Variants in FSIP1 observed in about 807,000 individuals in gnomAD.
FSIP1 encodes the protein fibrous sheath-interacting protein 1.
A neutral mutation model predicts 60.9 loss-of-function variants in FSIP1; 65 were observed. The ratio of observed to expected loss-of-function variants is 1.07; its 90% CI spans 0.87 to 1.31. The LOEUF (loss-of-function observed/expected upper bound fraction) is 1.31, where lower values mean the gene tolerates loss of function less well. FSIP1 is among the 40% of genes most tolerant of loss of function. The pLI is 0.00. For missense variants in FSIP1, 675 were observed against 665.5 expected (o/e 1.01, Z -0.16); for synonymous variants, 209 against 221.2 (o/e 0.94, Z 0.49).
intron 2 of FSIP1, 118 bp from the exon 3 acceptor site, chr15:39,770,728 C>T (rs1456096112): frequency 1.8e-6 from 1 of 566,508 alleles, no homozygotes. Context: ...TAAATGCATA[C>T]ACTAGCATTA....
intron 10 of FSIP1, among the ~76,000 whole-genome samples, chr15:39,622,257 A>G (rs1258210132): frequency 1.3e-5 from 2 of 152,184 alleles, no homozygotes; most frequent in Non-Finnish European, 2.9e-5. Flanking sequence ...TACTATTCCT[A>G]TCCTTCATAA....
rs140925631 is a variant in FSIP1, at chr15:39,696,678, A to T, written c.1188+16766T>A. Among the ~76,000 whole-genome samples, 945 of 152,316 alleles carry T rather than the reference A, an allele frequency of 6.2e-3. 10 individuals are homozygous for T. The highest frequency in any genetic ancestry group is 0.021 in the African/African-American group (893 of 41,572). On this transcript the variant is annotated intron_variant, in intron 10 of 11. Transcript: ENST00000350221. ...ATAACAATATTGGACATTACTAGAA[A>T]TGAACAGAGAAAGGCCTCATTCAAT...
intron 10 of FSIP1, among the ~76,000 whole-genome samples, chr15:39,633,282 G>A (rs895744510): frequency 1.3e-5 from 2 of 151,810 alleles, no homozygotes; most frequent in African/African-American, 2.4e-5. Context: ...TAGAGACGGG[G>A]TTTCACCATG....
intron 10 of FSIP1, among the ~76,000 whole-genome samples, chr15:39,654,407 T>C (rs1023630623): frequency 6.6e-6 from 1 of 152,186 alleles, no homozygotes; most frequent in Non-Finnish European, 1.5e-5. Context: ...AAACTTTTCA[T>C]CTCCATTATA....
intron 3 of FSIP1, among the ~76,000 whole-genome samples, chr15:39,769,273 C>T (rs1318645238): frequency 1.4e-5 from 2 of 141,962 alleles, no homozygotes; most frequent in East Asian, 2.1e-4. Flanking sequence ...AGCGAGACTC[C>T]GTCTCAAAAA....
chr15:39,626,107 CT>C (rs1280716147), intron 10 of FSIP1, among the ~76,000 whole-genome samples: 11 of 152,194 alleles, frequency 7.2e-5, no homozygotes, highest in Non-Finnish European at 1.6e-4. Context: ...AAACCTCACC[CT>C]CTTGCAGGAA....
chr15:39,658,897 T>C (rs1405336504), intron 10 of FSIP1, among the ~76,000 whole-genome samples: 1 of 152,182 alleles, frequency 6.6e-6, no homozygotes, highest in Non-Finnish European at 1.5e-5. Context: ...CGCCAAAAAG[T>C]GGAAAGAATC....
intron 8 of FSIP1, among the ~76,000 whole-genome samples, chr15:39,729,966 T>C (rs1343186625): frequency 6.6e-6 from 1 of 152,138 alleles, no homozygotes; most frequent in Non-Finnish European, 1.5e-5. Flanking sequence ...GATGAAATAA[T>C]CTGTACACCA....
At chr15:39,779,107 T>G (rs1423904002) in intron 1 of FSIP1, among the ~76,000 whole-genome samples, 1 of 152,108 alleles carries the variant, frequency 6.6e-6, no homozygotes, top group Admixed American at 6.5e-5. Flanking sequence ...ACAAAGATGA[T>G]ATACAAAAGG....
rs560109314 is a variant in FSIP1, at chr15:39,660,121, G to A, written c.1189-41876C>T. On this transcript the variant is annotated intron_variant, in intron 10 of 11. Coordinates refer to ENST00000350221, the MANE Select transcript of FSIP1 (RefSeq NM_152597.5). ...ATTGAGAGAGGAAAGAGAGAAGGAG[G>A]GGCCTGTATTTCTGCCTTGACAACG... Among the ~76,000 whole-genome samples, 6 of 152,202 alleles carry A rather than the reference G, an allele frequency of 3.9e-5. 1 individual carries two copies. In the South Asian group the frequency reaches 1.2e-3, roughly 32 times the overall value.
intron 10 of FSIP1, among the ~76,000 whole-genome samples, chr15:39,655,230 G>C (rs1277545715): frequency 6.6e-6 from 1 of 152,174 alleles, no homozygotes; most frequent in Non-Finnish European, 1.5e-5. Flanking sequence ...CATAGACTTT[G>C]TCATATGAGA....
At chr15:39,640,777 C>A (rs750232632) in intron 10 of FSIP1, among the ~76,000 whole-genome samples, 69 of 150,234 alleles carry the variant, frequency 4.6e-4, no homozygotes, top group Non-Finnish European at 9.0e-4. Flanking sequence ...AAGGAGAGTA[C>A]AGAACTGCCG....
At chr15:39,597,971 T>A (rs933539192), downstream of FSIP1, 1 of 152,174 alleles carries the variant, frequency 6.6e-6, no homozygotes, top group East Asian at 1.9e-4. Flanking sequence ...GCATTACAGA[T>A]ACCTCCTCTT....
chr15:39,658,251 A>ATTT (rs71132110), intron 10 of FSIP1, among the ~76,000 whole-genome samples: 10 of 105,290 alleles, frequency 9.5e-5, no homozygotes, highest in Admixed American at 5.6e-4. Flanking sequence ...AGCAGACATG[A>ATTT]TTTTTTTTTT....
At chr15:39,599,892 G>C (rs893298360), downstream of FSIP1, 1 of 152,152 alleles carries the variant, frequency 6.6e-6, no homozygotes, top group African/African-American at 2.4e-5. Flanking sequence ...ATAGTGTCTG[G>C]AAAAAGAAAC....
downstream of FSIP1, chr15:39,598,786 T>C (rs1443619074): frequency 2.6e-5 from 4 of 152,150 alleles, no homozygotes; most frequent in Non-Finnish European, 5.9e-5. Context: ...CTCCAGGTCT[T>C]ATAAGAATGT....
At chr15:39,755,317 G>A (rs1174801643) in intron 5 of FSIP1, among the ~76,000 whole-genome samples, 1 of 152,084 alleles carries the variant, frequency 6.6e-6, no homozygotes, top group African/African-American at 2.4e-5. Flanking sequence ...TCCATCTAAA[G>A]TTAGAGGCAA....
chr15:39,632,242 A>G (rs985419273), intron 10 of FSIP1, among the ~76,000 whole-genome samples: 4 of 152,148 alleles, frequency 2.6e-5, no homozygotes, highest in African/African-American at 9.7e-5. Flanking sequence ...CAGTGGCTCA[A>G]TCTTGGCTCA....
chr15:39,684,335 C>T lies in FSIP1; in HGVS notation c.1188+29109G>A, dbSNP rs192475170. ...GGAATCTGGAAAGGTCACTGAGGCA[C>T]ATGCGGAACATTATTAAAAGGCTGG... is the stretch of plus-strand genomic sequence containing the variant. On this transcript the variant is annotated intron_variant, in intron 10 of 11. Transcript: ENST00000350221. 1.7e-4 allele frequency among the ~76,000 whole-genome samples: 26 copies of T among 152,262 alleles called. No homozygotes were observed. In the East Asian group the frequency reaches 4.8e-3, roughly 28 times the overall value.
Sources: gnomAD v4.1 joint callset for allele counts (sites outside exome capture counted in the v4.1 genomes callset) on GRCh38, gnomAD v4.1.1 for gene constraint, MANE v1.5 for transcripts, NCBI Gene and HGNC (gene_info 2026-07-23, HGNC 2026-07-21) for gene names.